Variants in ZC3H14 observed in about 807,000 individuals in gnomAD.
ZC3H14 encodes zinc finger CCCH-type containing 14.
Under a neutral mutation model 92.4 loss-of-function variants are expected in ZC3H14, and 31 were observed. That is an observed-to-expected ratio of 0.34 (90% CI 0.25 to 0.45). The LOEUF (loss-of-function observed/expected upper bound fraction) is 0.45. Ranked by LOEUF, ZC3H14 falls within the 20% of genes least tolerant of loss-of-function variation. The probability of loss-of-function intolerance (pLI) is 1.00; values close to 1 mark genes in which losing one functional copy is unlikely to be tolerated. For synonymous variants in ZC3H14, 321 were observed against 300.9 expected (o/e 1.07, Z -0.69); for missense variants, 781 against 897.3 (o/e 0.87, Z 1.66).
In ZC3H14 at chr14:88,610,888, A is replaced by G. The variant is rs947150336; in HGVS notation, c.2152A>G (p.Thr718Ala). The G allele has an allele frequency of 6.2e-7, 1 of 1,614,168 alleles. No homozygotes were observed. The change falls in exon 16 of 17, where the codon ACC becomes GCC. Residue 718 changes from threonine to alanine, a missense_variant. Thr to Ala is a moderately conservative substitution (Grantham distance 58). Around this residue, in one of 3 missense-constraint regions of ZC3H14, gnomAD observed 221 missense variants for 304.7 expected, o/e 0.73. Coordinates refer to ENST00000251038, the MANE Select transcript of ZC3H14 (RefSeq NM_024824.5). ...ACCGGACTGCACATTCTACCATCCC[A>G]CCATTAATGTCCCACCACGACATGC... ...TRPDCTFYHP[T>A]INVPPRHALK... is the part of the protein sequence containing the mutation.
At chr14:88,564,660 C>G (rs998611743) in intron 2 of ZC3H14, among the ~76,000 whole-genome samples, 9 of 152,172 alleles carry the variant, frequency 5.9e-5, no homozygotes, top group Non-Finnish European at 1.2e-4. Flanking sequence ...AGCATAGTAA[C>G]ACCATAATGA....
At position 88,627,539 on chromosome 14, in the gene ZC3H14, T is replaced by G. The variant is rs892061440; in HGVS notation, c.*15788T>G. 9 of 1,168,582 alleles carry G rather than the reference T, an allele frequency of 7.7e-6. No individual in the cohort carries two copies. Among genetic ancestry groups the G allele is most frequent in the Non-Finnish European group, 9.4e-6 (8 of 846,704 alleles). The allele number at this position is 1,168,582 out of a possible 1,614,324, so 72.4% of individuals were successfully genotyped here. ...TACAGTATATTGCATAGGCCTCCACTGAATGATTGTTTCAACCACCAACTT... is the reference window on the plus strand; with the variant it reads ...TACAGTATATTGCATAGGCCTCCACGGAATGATTGTTTCAACCACCAACTT... On this transcript the variant is annotated 3_prime_UTR_variant, in exon 17 of 17. Transcript: ENST00000251038.
chr14:88,596,326 T>C (rs2083816442), intron 9 of ZC3H14, among the ~76,000 whole-genome samples: 1 of 152,126 alleles, frequency 6.6e-6, no homozygotes, highest in Non-Finnish European at 1.5e-5. Flanking sequence ...AGGTCATGAG[T>C]GAGTCGTGAT....
At chr14:88,609,652 T>G (rs1169853576) in intron 14 of ZC3H14, 60 bp from the exon 15 acceptor site, 1 of 1,578,174 alleles carries the variant, frequency 6.3e-7, no homozygotes, top group South Asian at 1.1e-5. Context: ...ATCAGTAGAC[T>G]GCATTAAAAA....
In ZC3H14 at chr14:88,615,917, A is replaced by T. The variant is rs868378512; in HGVS notation, c.*4166A>T. ...GTTTTTAGATTTTCATAACAGTTTA[A>T]TATTTTTCAGTTGTGCTTTCAGGTT... On this transcript the variant is annotated 3_prime_UTR_variant, in exon 17 of 17. Transcript: ENST00000251038. 2.6e-6 allele frequency: 4 copies of T among 1,548,702 alleles called. No homozygotes were observed. The highest frequency in any genetic ancestry group is 3.5e-4 in the Middle Eastern group (2 of 5,708).
intron 1 of ZC3H14, 57 bp downstream of exon 1, chr14:88,563,226 C>T: frequency 6.4e-7 from 1 of 1,574,728 alleles, no homozygotes; most frequent in Non-Finnish European, 8.6e-7. Context: ...GGGCGGTTGT[C>T]AGGAGTAACG....
chr14:88,609,607 C>A (rs1211375688), intron 14 of ZC3H14, 105 bp from the exon 15 acceptor site: 2 of 1,420,926 alleles, frequency 1.4e-6, no homozygotes, highest in Non-Finnish European at 2.0e-6. Flanking sequence ...CCTTACCATT[C>A]TAATTTAAAA....
At chr14:88,610,680 T>G (rs1335522639) in intron 15 of ZC3H14, among the ~76,000 whole-genome samples, 154 bp from the exon 16 acceptor site, 1 of 149,028 alleles carries the variant, frequency 6.7e-6, no homozygotes, top group Non-Finnish European at 1.5e-5. Context: ...AGCACACGCC[T>G]GTAGTCCCAG....
chr14:88,621,453 T>C lies in ZC3H14; in HGVS notation c.*9702T>C. ...GGCAGTCATTAGCTCATGCAAATTT[T>C]TCTATGACTACAGGCACACATCTAT... is the stretch of plus-strand genomic sequence containing the variant. On this transcript the variant is annotated 3_prime_UTR_variant, in exon 17 of 17. Coordinates refer to ENST00000251038, the MANE Select transcript of ZC3H14 (RefSeq NM_024824.5). 1.3e-6 allele frequency: 1 copy of C among 760,370 alleles called. No homozygotes were observed. Among genetic ancestry groups the C allele is most frequent in the East Asian group, 2.5e-5 (1 of 39,762 alleles). The allele number at this position is 760,370 out of a possible 1,614,324, so 47.1% of individuals were successfully genotyped here.
chr14:88,618,152 TC>T lies in ZC3H14; in HGVS notation c.*6402del. The T allele has an allele frequency of 8.0e-7, 1 of 1,251,076 alleles. No homozygotes were observed. Among genetic ancestry groups the T allele is most frequent in the South Asian group, 1.3e-5 (1 of 79,592 alleles). The allele number at this position is 1,251,076 out of a possible 1,614,324, so 77.5% of individuals were successfully genotyped here. On this transcript the variant is annotated 3_prime_UTR_variant, in exon 17 of 17. Coordinates refer to ENST00000251038, the MANE Select transcript of ZC3H14 (RefSeq NM_024824.5). Reference sequence around the variant, plus strand: ...AATTACTATTCCTTATTGGAATGGCTCTAACAGTTCAGAAATAGGATTTTCT... The same window carrying T: ...AATTACTATTCCTTATTGGAATGGCTTAACAGTTCAGAAATAGGATTTTCT...
chr14:88,608,176 C>G (rs2085904939), intron 13 of ZC3H14: 1 of 390,970 alleles, frequency 2.6e-6, no homozygotes, highest in African/African-American at 2.5e-5. Flanking sequence ...AAGTACCATC[C>G]CCCATCTCAC....
At chr14:88,566,150 G>A (rs1351092904) in intron 2 of ZC3H14, among the ~76,000 whole-genome samples, 1 of 150,822 alleles carries the variant, frequency 6.6e-6, no homozygotes. Flanking sequence ...AGAGTGCTGG[G>A]ATTACAGGTG....
intron 2 of ZC3H14, among the ~76,000 whole-genome samples, chr14:88,566,948 AATGGAGTT>A (rs1291096048): frequency 6.6e-6 from 1 of 151,008 alleles, no homozygotes; most frequent in Non-Finnish European, 1.5e-5. Context: ...AGAGAACTGG[AATGGAGTT>A]TTGAGGGTCA....
rs1467136504 is a variant in ZC3H14 at position 88,578,080 on chromosome 14, A to G, written c.1219A>G (p.Arg407Gly). The G allele has an allele frequency of 6.2e-7, 1 of 1,614,038 alleles. No individual in the cohort carries two copies. The highest frequency in any genetic ancestry group is 8.5e-7 in the Non-Finnish European group (1 of 1,180,028). Residue 407 changes from arginine to glycine, a missense_variant, in exon 9 of 17, where the codon AGA (arginine) becomes GGA (glycine). Coordinates refer to ENST00000251038, the MANE Select transcript of ZC3H14 (RefSeq NM_024824.5). ...EVVQGQSRTP[R>G]ISPPIKEEET... ...GGTCCAGGGACAAAGTAGGACCCCC[A>G]GAATAAGTCCCCCCATTAAAGAAGA...
At chr14:88,606,164 T>C (rs984907094) in intron 12 of ZC3H14, among the ~76,000 whole-genome samples, 4 of 152,218 alleles carry the variant, frequency 2.6e-5, no homozygotes, top group Admixed American at 6.5e-5. Flanking sequence ...ATTTTACTTA[T>C]TCAGTGTTAT....
At position 88,627,080 on chromosome 14, in the gene ZC3H14, A is replaced by G. The variant is rs2090026267; in HGVS notation, c.*15329A>G. ...ATACAACAAAATTATCTAGGTTATT[A>G]CAAGAACCAAGCTAATCAACAGCAT... On this transcript the variant is annotated 3_prime_UTR_variant, in exon 17 of 17. Transcript: ENST00000251038. 1 of 1,598,696 alleles carries G rather than the reference A, an allele frequency of 6.3e-7. No homozygotes were observed. Among genetic ancestry groups the G allele is most frequent in the East Asian group, 2.2e-5 (1 of 44,814 alleles).
intron 10 of ZC3H14, among the ~76,000 whole-genome samples, chr14:88,600,513 C>T (rs1810680337): frequency 6.6e-6 from 1 of 151,498 alleles, no homozygotes; most frequent in Non-Finnish European, 1.5e-5. Context: ...CACAATCCTG[C>T]TCATTGCAGC....
At chr14:88,594,194 A>G (rs1414854947) in intron 9 of ZC3H14, among the ~76,000 whole-genome samples, 2 of 152,232 alleles carry the variant, frequency 1.3e-5, no homozygotes, top group Non-Finnish European at 1.5e-5. Flanking sequence ...AAGCTTAAAA[A>G]TGTTATGGTT....
At position 88,625,251 on chromosome 14, in the gene ZC3H14, T is replaced by C; in HGVS notation, c.*13500T>C. 1.8e-6 allele frequency: 2 copies of C among 1,139,072 alleles called. No individual in the cohort carries two copies. Among genetic ancestry groups the C allele is most frequent in the East Asian group, 2.6e-5 (1 of 38,106 alleles). 70.6% of individuals were successfully genotyped at this position (1,139,072 alleles called of 1,614,324 possible). A position where few individuals can be genotyped will look rare whatever the true frequency, so the allele number is the denominator to read the frequency against. On this transcript the variant is annotated 3_prime_UTR_variant, in exon 17 of 17. Transcript: ENST00000251038. ...GATACAAAGAGCATGCATCGTGTAG[T>C]GGCAGCAGCACTGAATTCACGAGTC...
Sources: allele counts gnomAD v4.1 joint callset (sites outside exome capture counted in the v4.1 genomes callset), GRCh38; gene constraint gnomAD v4.1.1; regional missense constraint gnomAD v4.1.1; transcripts MANE v1.5; gene names NCBI Gene and HGNC (gene_info 2026-07-23, HGNC 2026-07-21).